Variants in NELL1 observed in about 807,000 individuals in gnomAD.
NELL1 encodes protein kinase C-binding protein NELL1.
A neutral mutation model predicts 107.4 loss-of-function variants in NELL1; 76 were observed. That is an observed-to-expected ratio of 0.71 (90% confidence interval 0.59 to 0.86). The LOEUF is 0.86. Among genes scored for constraint, NELL1 ranks in the 40% least tolerant of loss-of-function variants. NELL1 has a pLI of 0.00. For missense variants in NELL1, 1,024 were observed against 1,005.5 expected (o/e 1.02, Z -0.25); for synonymous variants, 353 against 341.2 (o/e 1.03, Z -0.38).
chr11:21,467,045 A>G (rs1271826763), intron 15 of NELL1, among the ~76,000 whole-genome samples: 1 of 152,098 alleles, frequency 6.6e-6, no homozygotes, highest in Non-Finnish European at 1.5e-5. Context: ...CCAGACATGC[A>G]ACAACTGGGA....
At chr11:21,494,504 T>A (rs1854924607) in intron 15 of NELL1, among the ~76,000 whole-genome samples, 1 of 152,152 alleles carries the variant, frequency 6.6e-6, no homozygotes, top group South Asian at 2.1e-4. Flanking sequence ...CACACATGTG[T>A]GTATTTCAAC....
chr11:21,105,063 G>T (rs765178112), intron 12 of NELL1, among the ~76,000 whole-genome samples: 2 of 151,764 alleles, frequency 1.3e-5, no homozygotes, highest in Non-Finnish European at 2.9e-5. Context: ...TATGAATTTG[G>T]GGGGGACACA....
chr11:21,175,927 C>A (rs749983397), intron 13 of NELL1, among the ~76,000 whole-genome samples: 4 of 151,690 alleles, frequency 2.6e-5, no homozygotes, highest in African/African-American at 4.9e-5. Context: ...CTTATCTAAC[C>A]TAGATGTCTG....
chr11:20,882,340 G>A (rs552521053), intron 4 of NELL1, among the ~76,000 whole-genome samples: 2 of 152,232 alleles, frequency 1.3e-5, no homozygotes, highest in South Asian at 2.1e-4. Context: ...TTAGCTAATC[G>A]ATAACATTGT....
At chr11:20,675,167 C>T (rs572722876) in intron 1 of NELL1, among the ~76,000 whole-genome samples, 9 of 152,224 alleles carry the variant, frequency 5.9e-5, no homozygotes, top group Admixed American at 3.9e-4. Flanking sequence ...ATATTCAAGT[C>T]GCTGCCTGAA....
chr11:20,820,573 C>G (rs944338881), intron 3 of NELL1, among the ~76,000 whole-genome samples: 3 of 152,180 alleles, frequency 2.0e-5, no homozygotes, highest in African/African-American at 7.2e-5. Context: ...TCTGTGAGAT[C>G]TGGCTCTTTC....
intron 11 of NELL1, among the ~76,000 whole-genome samples, chr11:20,953,758 C>T (rs1851113408): frequency 6.6e-6 from 1 of 152,156 alleles, no homozygotes; most frequent in African/African-American, 2.4e-5. Flanking sequence ...GTCCAGCCAA[C>T]CTCATTCATC....
At chr11:21,341,487 T>G (rs1850563525) in intron 14 of NELL1, among the ~76,000 whole-genome samples, 1 of 152,200 alleles carries the variant, frequency 6.6e-6, no homozygotes, top group African/African-American at 2.4e-5. Flanking sequence ...CAAAGCCTCA[T>G]GTTGGTAATT....
intron 12 of NELL1, among the ~76,000 whole-genome samples, chr11:21,069,961 A>G (rs1853970947): frequency 6.6e-6 from 1 of 152,226 alleles, no homozygotes; most frequent in Non-Finnish European, 1.5e-5. Flanking sequence ...CCTTACTTTC[A>G]TTCCTTCCCT....
intron 13 of NELL1, among the ~76,000 whole-genome samples, chr11:21,209,356 A>G (rs1857452951): frequency 6.7e-6 from 1 of 149,098 alleles, no homozygotes; most frequent in East Asian, 1.9e-4. Context: ...TATAAAATAC[A>G]TAATTACTTC....
At chr11:21,399,412 C>A (rs1411015995) in intron 15 of NELL1, among the ~76,000 whole-genome samples, 1 of 151,512 alleles carries the variant, frequency 6.6e-6, no homozygotes, top group Non-Finnish European at 1.5e-5. Context: ...CACAGGAACA[C>A]CTTTGAATTG....
intron 12 of NELL1, among the ~76,000 whole-genome samples, chr11:21,022,527 T>A (rs990101481): frequency 3.9e-5 from 6 of 152,144 alleles, no homozygotes; most frequent in African/African-American, 1.4e-4. Context: ...TCAGTTGCTT[T>A]AATTTTCTCT....
At chr11:21,396,217 C>T (rs1025236155) in intron 15 of NELL1, among the ~76,000 whole-genome samples, 9 of 151,510 alleles carry the variant, frequency 5.9e-5, no homozygotes, top group African/African-American at 1.9e-4. Context: ...GCACTAATCT[C>T]GTAGGACAGG....
intron 2 of NELL1, among the ~76,000 whole-genome samples, chr11:20,754,767 T>C (rs997236057): frequency 2.0e-5 from 3 of 152,200 alleles, no homozygotes; most frequent in Non-Finnish European, 2.9e-5. Context: ...GTAATGGATA[T>C]AACACAAACA....
intron 16 of NELL1, among the ~76,000 whole-genome samples, chr11:21,538,400 G>A (rs747282490): frequency 2.0e-5 from 3 of 152,118 alleles, no homozygotes; most frequent in East Asian, 3.9e-4. Flanking sequence ...CTCTTAAAGT[G>A]TAACATATGA....
intron 14 of NELL1, among the ~76,000 whole-genome samples, chr11:21,293,235 A>G (rs1284080867): frequency 2.0e-5 from 3 of 152,188 alleles, no homozygotes; most frequent in South Asian, 2.1e-4. Context: ...TTACAAGAAA[A>G]AAAACAAACA....
At chr11:20,756,453 C>T (rs1856290541) in intron 2 of NELL1, among the ~76,000 whole-genome samples, 1 of 151,898 alleles carries the variant, frequency 6.6e-6, no homozygotes, top group Non-Finnish European at 1.5e-5. Context: ...ATTCTCCTGC[C>T]TCAGCCTCCT....
chr11:21,182,839 A>G (rs1460526579), intron 13 of NELL1, among the ~76,000 whole-genome samples: 1 of 151,808 alleles, frequency 6.6e-6, no homozygotes, highest in Non-Finnish European at 1.5e-5. Flanking sequence ...TGCTCTTCAA[A>G]TGTTGGGAAA....
intron 2 of NELL1, among the ~76,000 whole-genome samples, chr11:20,728,810 A>C (rs1056291149): frequency 2.6e-5 from 4 of 152,142 alleles, no homozygotes; most frequent in African/African-American, 9.7e-5. Flanking sequence ...GTTCCATGTG[A>C]ATTTCATCAT....
Sources: allele counts gnomAD v4.1 joint callset (sites outside exome capture counted in the v4.1 genomes callset), GRCh38; gene constraint gnomAD v4.1.1; transcripts MANE v1.5; gene names NCBI Gene and HGNC (gene_info 2026-07-23, HGNC 2026-07-21).